KIDINS220: variants seen among roughly 807,000 people sequenced by gnomAD.
KIDINS220 encodes the protein kinase D-interacting substrate of 220 kDa.
In KIDINS220, 63 loss-of-function variants were observed where a neutral mutation model predicts 157.6. The ratio of observed to expected loss-of-function variants is 0.40; its 90% CI spans 0.33 to 0.49. KIDINS220 has a LOEUF of 0.49. Among genes scored for constraint, KIDINS220 ranks in the 20% least tolerant of loss-of-function variants. KIDINS220 has a pLI of 0.66. For missense variants in KIDINS220, 1,772 were observed against 2,171.2 expected (o/e 0.82, Z 3.65); for synonymous variants, 732 against 783.6 (o/e 0.93, Z 1.10).
At chr2:8,809,113 T>C (rs2148357931) in intron 6 of KIDINS220, among the ~76,000 whole-genome samples, 1 of 152,278 alleles carries the variant, frequency 6.6e-6, no homozygotes, top group South Asian at 2.1e-4. Flanking sequence ...CCACACCTCC[T>C]GGGCTCAAGT....
At chr2:8,829,972 C>T (rs2148447668) in intron 1 of KIDINS220, among the ~76,000 whole-genome samples, 1 of 151,994 alleles carries the variant, frequency 6.6e-6, no homozygotes, top group Non-Finnish European at 1.5e-5. Flanking sequence ...CTCAAATTCA[C>T]CACACTCCCC....
chr2:8,806,241 T>C (rs779577132), intron 7 of KIDINS220, 30 bp downstream of exon 7: 25 of 1,460,094 alleles, frequency 1.7e-5, no homozygotes, highest in Middle Eastern at 1.8e-4. Flanking sequence ...CATGTTTCTA[T>C]TGCCAAGCAT....
intron 21 of KIDINS220, among the ~76,000 whole-genome samples, chr2:8,771,321 G>A (rs1670200205): frequency 2.0e-5 from 3 of 152,170 alleles, no homozygotes; most frequent in Admixed American, 2.0e-4. Context: ...CATACTAAGG[G>A]TGGTCTATGT....
At chr2:8,751,406 A>T in intron 23 of KIDINS220, 60 bp downstream of exon 23, 1 of 1,405,252 alleles carries the variant, frequency 7.1e-7, no homozygotes, top group Non-Finnish European at 9.9e-7. Flanking sequence ...CAAATAAGTT[A>T]GAAACATGAA....
chr2:8,805,365 A>C (rs1167431803), intron 7 of KIDINS220, among the ~76,000 whole-genome samples: 1 of 152,122 alleles, frequency 6.6e-6, no homozygotes, highest in East Asian at 1.9e-4. Context: ...TAGGGCTGTG[A>C]GTTCCAACCC....
At chr2:8,757,586 T>C (rs890852960) in intron 22 of KIDINS220, 1 of 1,556,260 alleles carries the variant, frequency 6.4e-7, no homozygotes, top group African/African-American at 1.4e-5. Flanking sequence ...TGCTGAAGTT[T>C]TGAATATTTG....
intron 7 of KIDINS220, among the ~76,000 whole-genome samples, chr2:8,805,456 T>A (rs1298760730): frequency 5.9e-5 from 9 of 152,158 alleles, no homozygotes; most frequent in Non-Finnish European, 1.3e-4. Context: ...AATAACCTCA[T>A]TAACATAAGC....
At chr2:8,829,950 C>T (rs951544191) in intron 1 of KIDINS220, among the ~76,000 whole-genome samples, 4 of 151,728 alleles carry the variant, frequency 2.6e-5, no homozygotes, top group African/African-American at 9.7e-5. Context: ...ACAGCCCAGC[C>T]AAGCAGAAGA....
chr2:8,785,727 C>CA lies in KIDINS220; in HGVS notation c.2229+13dup, dbSNP rs780617983. ...TCGCATTACAATTTTTTCTAATAAC[C>CA]AATGAGTGCTTACTTTCATGAATCC... On this transcript the variant is annotated intron_variant, in intron 17 of 29. Coordinates refer to ENST00000256707, the MANE Select transcript of KIDINS220 (RefSeq NM_020738.4). 1.3e-6 allele frequency: 2 copies of CA among 1,592,710 alleles called. No homozygotes were observed. The highest frequency in any genetic ancestry group is 2.3e-5 in the South Asian group (2 of 86,944).
chr2:8,761,737 T>C (rs2148114356), intron 22 of KIDINS220, among the ~76,000 whole-genome samples: 1 of 152,304 alleles, frequency 6.6e-6, no homozygotes, highest in Middle Eastern at 3.4e-3. Context: ...GCTAATAATG[T>C]TTGTAGTGAA....
chr2:8,815,443 G>C (rs990208410), intron 4 of KIDINS220, among the ~76,000 whole-genome samples: 5 of 150,558 alleles, frequency 3.3e-5, no homozygotes, highest in African/African-American at 1.2e-4. Context: ...CTAGGCAGGA[G>C]GATCACTTGA....
intron 22 of KIDINS220, among the ~76,000 whole-genome samples, chr2:8,753,666 G>C (rs913603845): frequency 6.6e-6 from 1 of 152,192 alleles, no homozygotes; most frequent in African/African-American, 2.4e-5. Flanking sequence ...GGAGCAGTAA[G>C]ATTTTCACGC....
chr2:8,760,232 A>C (rs1668577597), intron 22 of KIDINS220, among the ~76,000 whole-genome samples: 1 of 152,230 alleles, frequency 6.6e-6, no homozygotes, highest in South Asian at 2.1e-4. Flanking sequence ...TTGCAGACTG[A>C]AATAAAGCTT....
At chr2:8,763,760 G>A (rs1375780975) in intron 22 of KIDINS220, among the ~76,000 whole-genome samples, 1 of 152,184 alleles carries the variant, frequency 6.6e-6, no homozygotes, top group East Asian at 1.9e-4. Flanking sequence ...AGAGGAACCT[G>A]TCTAGAAGTA....
intron 14 of KIDINS220, among the ~76,000 whole-genome samples, chr2:8,789,534 C>T (rs938170978): frequency 5.3e-5 from 8 of 152,078 alleles, no homozygotes; most frequent in African/African-American, 9.7e-5. Context: ...ACGATCTGCC[C>T]GCCTTGGGCT....
intron 1 of KIDINS220, among the ~76,000 whole-genome samples, chr2:8,828,911 CACCCAG>C (rs1679214211): frequency 6.6e-6 from 1 of 152,208 alleles, no homozygotes; most frequent in South Asian, 2.1e-4. Context: ...GGATGGACTA[CACCCAG>C]ACCCTCTCAT....
rs750991261 is a variant in KIDINS220 at position 8,731,903 on chromosome 2, T to A, written c.4133A>T (p.Lys1378Met). Residue 1378 changes from lysine to methionine, a missense_variant, in exon 30 of 30, where the codon AAG (lysine) becomes ATG (methionine). By Grantham distance (95) the Lys-to-Met change is moderately conservative. This residue lies in a region of KIDINS220 where 793 missense variants were observed against 885.5 expected (regional missense o/e 0.90). Transcript: ENST00000256707. This position sits in a 1 kb window ranked among gnomAD's most constrained non-coding sequence, Gnocchi z 5.2. ...SSIEISKLTD[K>M]VQAEYRDAYR... is the part of the protein sequence containing the mutation. ...GGCATCTCTATACTCGGCCTGCACC[T>A]TATCAGTAAGCTTTGAAATTTCAAT... is the stretch of plus-strand genomic sequence containing the variant. 6.2e-7 allele frequency: 1 copy of A among 1,612,938 alleles called. No individual in the cohort carries two copies. Among genetic ancestry groups the A allele is most frequent in the Admixed American group, 1.7e-5 (1 of 59,870 alleles).
At chr2:8,815,673 G>C (rs1676981337) in intron 4 of KIDINS220, among the ~76,000 whole-genome samples, 1 of 151,604 alleles carries the variant, frequency 6.6e-6, no homozygotes, top group African/African-American at 2.4e-5. Flanking sequence ...CGTCTCAGGG[G>C]GAAAAAAAAA....
intron 14 of KIDINS220, among the ~76,000 whole-genome samples, chr2:8,789,448 C>T (rs984462094): frequency 5.3e-5 from 8 of 151,866 alleles, no homozygotes; most frequent in African/African-American, 1.9e-4. Flanking sequence ...CCATCTTGCC[C>T]GGCTAATTTT....
Sources: gnomAD v4.1 joint callset for allele counts (sites outside exome capture counted in the v4.1 genomes callset) on GRCh38, gnomAD v4.1.1 for gene constraint, gnomAD v4.1.1 regional missense constraint, Gnocchi (gnomAD v3.1) non-coding constraint, MANE v1.5 for transcripts, NCBI Gene and HGNC (gene_info 2026-07-23, HGNC 2026-07-21) for gene names.